The following ZNF804A variants were observed in gnomAD, a reference collection of about 807,000 sequenced individuals.
ZNF804A encodes zinc finger protein 804A.
ZNF804A carries 2 observed loss-of-function variants against 16.5 expected under a neutral mutation model. The observed-to-expected ratio is 0.12, with a 90% CI of 0.05 to 0.38. ZNF804A has a LOEUF of 0.38. ZNF804A is among the 10% of genes least tolerant of loss of function. The pLI is 0.99. For synonymous variants in ZNF804A, 534 were observed against 489.6 expected, an observed-to-expected ratio of 1.09 and a Z score of -1.20; for missense variants, 1,473 against 1,390.7, an observed-to-expected ratio of 1.06 and a Z score of -0.94.
rs745584347 is a variant in ZNF804A, at chr2:184,598,971, C to T, written c.12C>T (p.Tyr4=). Residue 4 remains tyrosine, a synonymous_variant, in exon 1 of 4, where the codon TAC becomes TAT. Transcript: ENST00000302277. The stretch of plus-strand genomic sequence containing the variant: ...GCGGCGGCTGCCCCATGGAGTGTTA[C>T]TACATTGTCATCAGCTCCACGCATC... MEC[Y]YIVISSTHLS... 2.5e-6 allele frequency: 4 copies of T among 1,612,824 alleles called. No individual in the cohort carries two copies. The African/African-American group carries it at 4.0e-5, about 16-fold the overall frequency.
intron 1 of ZNF804A, among the ~76,000 whole-genome samples, chr2:184,863,392 T>C (rs968763491): frequency 6.6e-6 from 1 of 152,136 alleles, no homozygotes; most frequent in Non-Finnish European, 1.5e-5. Context: ...TAGCTATAGT[T>C]ACTTTTAAAT....
chr2:184,844,174 ACC>A (rs141470485), intron 1 of ZNF804A, among the ~76,000 whole-genome samples: 6 of 145,802 alleles, frequency 4.1e-5, no homozygotes, highest in African/African-American at 1.3e-4. Flanking sequence ...TCCTAATTAT[ACC>A]CCCCCCCATT....
intron 1 of ZNF804A, among the ~76,000 whole-genome samples, chr2:184,804,126 AGTGCTGGGATTACAG>A (rs1694766235): frequency 6.6e-6 from 1 of 152,110 alleles, no homozygotes; most frequent in Non-Finnish European, 1.5e-5. Flanking sequence ...GGCCTCCCAA[AGTGCTGGGATTACAG>A]GTGTGAGCCA....
chr2:184,758,324 A>G (rs10172363), intron 1 of ZNF804A, among the ~76,000 whole-genome samples: 21,794 of 151,868 alleles, frequency 0.14, 1,699 homozygotes, highest in Middle Eastern at 0.24. Context: ...TGGCACTTAT[A>G]TATACAATTA....
At chr2:184,604,749 G>A (rs1322929878) in intron 1 of ZNF804A, among the ~76,000 whole-genome samples, 1 of 152,210 alleles carries the variant, frequency 6.6e-6, no homozygotes, top group Non-Finnish European at 1.5e-5. Flanking sequence ...TGCTTAGTTC[G>A]AGGACCGAAG....
chr2:184,617,784 T>C (rs1213105043), intron 1 of ZNF804A, among the ~76,000 whole-genome samples: 1 of 151,650 alleles, frequency 6.6e-6, no homozygotes, highest in African/African-American at 2.4e-5. Flanking sequence ...TTTCAAATCA[T>C]TAAAATAAAT....
intron 1 of ZNF804A, among the ~76,000 whole-genome samples, chr2:184,840,495 T>C (rs1189981980): frequency 6.6e-6 from 1 of 152,178 alleles, no homozygotes; most frequent in Non-Finnish European, 1.5e-5. Context: ...AAATAACATG[T>C]TAAAAGCTGA....
chr2:184,718,380 C>T (rs1320811643), intron 1 of ZNF804A, among the ~76,000 whole-genome samples: 1 of 152,072 alleles, frequency 6.6e-6, no homozygotes, highest in Admixed American at 6.6e-5. Context: ...CTCATGTCCT[C>T]ACATTTCAAA....
chr2:184,813,840 A>C (rs1694935326), intron 1 of ZNF804A, among the ~76,000 whole-genome samples: 1 of 151,666 alleles, frequency 6.6e-6, no homozygotes, highest in South Asian at 2.1e-4. Context: ...TTCCTCATAA[A>C]ACTTTCTTTA....
chr2:184,623,359 GC>G (rs1464903155), intron 1 of ZNF804A, among the ~76,000 whole-genome samples: 3 of 151,886 alleles, frequency 2.0e-5, no homozygotes, highest in Non-Finnish European at 4.4e-5. Flanking sequence ...TATAAAATAA[GC>G]ACAAATATTC....
At chr2:184,846,232 A>G (rs1007727091) in intron 1 of ZNF804A, among the ~76,000 whole-genome samples, 19 of 152,196 alleles carry the variant, frequency 1.2e-4, no homozygotes, top group African/African-American at 4.3e-4. Context: ...TATTTGTCTC[A>G]GTGTGTATTT....
chr2:184,622,758 C>G (rs1423278930), intron 1 of ZNF804A, among the ~76,000 whole-genome samples: 2 of 151,866 alleles, frequency 1.3e-5, no homozygotes, highest in African/African-American at 4.8e-5. Flanking sequence ...AGTAAATTAT[C>G]TAGGAGAATA....
chr2:184,606,439 A>T (rs1226937728), intron 1 of ZNF804A, among the ~76,000 whole-genome samples: 1 of 152,124 alleles, frequency 6.6e-6, no homozygotes, highest in Non-Finnish European at 1.5e-5. Flanking sequence ...TGCCCCTATG[A>T]TCCAGTCACT....
chr2:184,707,476 T>C (rs1250054293), intron 1 of ZNF804A, among the ~76,000 whole-genome samples: 4 of 152,110 alleles, frequency 2.6e-5, no homozygotes, highest in Non-Finnish European at 5.9e-5. Flanking sequence ...GTGTGTATTA[T>C]TGCCATCTTT....
intron 1 of ZNF804A, among the ~76,000 whole-genome samples, chr2:184,626,288 C>A (rs1354032299): frequency 6.6e-6 from 1 of 152,038 alleles, no homozygotes; most frequent in Non-Finnish European, 1.5e-5. Flanking sequence ...GGTATATTTT[C>A]AGCATTGTGG....
intron 2 of ZNF804A, among the ~76,000 whole-genome samples, chr2:184,884,540 C>T (rs1020569603): frequency 9.2e-5 from 14 of 151,994 alleles, no homozygotes; most frequent in African/African-American, 2.9e-4. Flanking sequence ...ATCACATTAC[C>T]CCTTTTTAAA....
intron 2 of ZNF804A, among the ~76,000 whole-genome samples, chr2:184,892,936 G>GT (rs1685011422): frequency 6.6e-6 from 1 of 151,996 alleles, no homozygotes; most frequent in African/African-American, 2.4e-5. Context: ...TGGTTTCATT[G>GT]TTTTTTCATA....
At chr2:184,700,925 G>T (rs1007597486) in intron 1 of ZNF804A, among the ~76,000 whole-genome samples, 7 of 151,822 alleles carry the variant, frequency 4.6e-5, no homozygotes, top group Non-Finnish European at 7.4e-5. Context: ...GAGTAATGAG[G>T]ATATCCATCA....
At position 184,938,687 on chromosome 2, in the gene ZNF804A, T is replaced by A. The variant is rs1468702187; in HGVS notation, c.3291T>A (p.Thr1097=). The A allele has an allele frequency of 1.9e-6, 3 of 1,613,776 alleles. No individual in the cohort carries two copies. The highest frequency in any genetic ancestry group is 2.5e-6 in the Non-Finnish European group (3 of 1,179,858). Reference sequence around the variant, plus strand: ...CCTTATGTTCTACCTCTGTAACCACTATCCATCACACTGTTTTGCAGCAGC... The same window carrying A: ...CCTTATGTTCTACCTCTGTAACCACAATCCATCACACTGTTTTGCAGCAGC... ...QQSLCSTSVT[T]IHHTVLQQHA... The change falls in exon 4 of 4, where the codon ACT becomes ACA. Residue 1097 remains threonine (T), a synonymous_variant. Coordinates refer to ENST00000302277, the MANE Select transcript of ZNF804A (RefSeq NM_194250.2).
Sources: gnomAD v4.1 joint callset for allele counts (sites outside exome capture counted in the v4.1 genomes callset) on GRCh38, gnomAD v4.1.1 for gene constraint, MANE v1.5 for transcripts, NCBI Gene and HGNC (gene_info 2026-07-23, HGNC 2026-07-21) for gene names.